Variants in FARS2 observed in about 807,000 individuals in gnomAD.
The protein encoded by FARS2 is phenylalanine--tRNA ligase, mitochondrial.
FARS2 carries 40 observed loss-of-function variants against 46.4 expected under a neutral mutation model. The observed-to-expected ratio is 0.86, with a 90% confidence interval of 0.67 to 1.12. The LOEUF is 1.12. Ranked by LOEUF, FARS2 falls within the 50% of genes most tolerant of loss-of-function variation. The pLI, the probability that FARS2 is intolerant of heterozygous loss-of-function variation, is 0.00. For missense variants in FARS2, 513 were observed against 567.9 expected (o/e 0.90, Z 0.98); for synonymous variants, 234 against 214.9 (o/e 1.09, Z -0.78).
chr6:5,538,597 GA>G (rs1414938789), intron 4 of FARS2, among the ~76,000 whole-genome samples: 1 of 152,068 alleles, frequency 6.6e-6, no homozygotes, highest in Non-Finnish European at 1.5e-5. Flanking sequence ...CCCAAGATCC[GA>G]AGTCATTTTC....
At chr6:5,326,084 C>T (rs1411053028) in intron 1 of FARS2, among the ~76,000 whole-genome samples, 2 of 152,200 alleles carry the variant, frequency 1.3e-5, no homozygotes, top group African/African-American at 4.8e-5. Flanking sequence ...AATATGCACA[C>T]TCAATTTCTG....
intron 1 of FARS2, among the ~76,000 whole-genome samples, chr6:5,316,688 C>CCGCCA (rs1266498557): frequency 6.6e-6 from 1 of 152,208 alleles, no homozygotes; most frequent in Non-Finnish European, 1.5e-5. Context: ...GGGCCCAGAG[C>CCGCCA]CGCCACACTT....
intron 6 of FARS2, among the ~76,000 whole-genome samples, chr6:5,683,098 G>A (rs1235361853): frequency 2.0e-5 from 3 of 152,218 alleles, no homozygotes; most frequent in Non-Finnish European, 4.4e-5. Context: ...AGGGTTTTAA[G>A]GGGTGGGACA....
At chr6:5,264,696 C>T (rs1438086429) in intron 1 of FARS2, among the ~76,000 whole-genome samples, 1 of 151,908 alleles carries the variant, frequency 6.6e-6, no homozygotes, top group Non-Finnish European at 1.5e-5. Context: ...CGTGAGCCAC[C>T]GCGCCCGGCC....
At chr6:5,731,563 A>G (rs1177898695) in intron 6 of FARS2, among the ~76,000 whole-genome samples, 5 of 152,170 alleles carry the variant, frequency 3.3e-5, no homozygotes, top group Non-Finnish European at 7.4e-5. Flanking sequence ...TTTAATGAAC[A>G]GTTTTATTCT....
chr6:5,314,348 G>A (rs1273127834), intron 1 of FARS2, among the ~76,000 whole-genome samples: 1 of 152,116 alleles, frequency 6.6e-6, no homozygotes, highest in African/African-American at 2.4e-5. Flanking sequence ...ACAGGTGTGT[G>A]GGGGTGGAGG....
chr6:5,672,261 G>C (rs867655268), intron 6 of FARS2, among the ~76,000 whole-genome samples: 7 of 152,126 alleles, frequency 4.6e-5, no homozygotes, highest in African/African-American at 1.7e-4. Flanking sequence ...TGCCTGTGGT[G>C]GCCCGCCCTA....
chr6:5,292,209 T>C (rs924780774), intron 1 of FARS2, among the ~76,000 whole-genome samples: 1 of 152,144 alleles, frequency 6.6e-6, no homozygotes, highest in African/African-American at 2.4e-5. Flanking sequence ...AGACATGAGA[T>C]TGGTCAGGTA....
In FARS2 at chr6:5,465,440, G is replaced by A. The variant is rs556201782; in HGVS notation, c.904+34268G>A. On this transcript the variant is annotated intron_variant, in intron 4 of 6. Transcript: ENST00000274680. ...CGGGCACTATACTAGTCTTACTTGC[G>A]TATTATAATTTACTTGCTATTTTGC... Among the ~76,000 whole-genome samples the A allele has an allele frequency of 4.6e-5, 7 of 152,314 alleles. No individual in the cohort carries two copies. The South Asian group carries it at 1.4e-3, about 32-fold the overall frequency.
chr6:5,763,015 C>A (rs1762564234), intron 6 of FARS2, among the ~76,000 whole-genome samples: 1 of 152,154 alleles, frequency 6.6e-6, no homozygotes, highest in African/African-American at 2.4e-5. Flanking sequence ...TGCGAAATAA[C>A]AAAGGGAATA....
intron 6 of FARS2, among the ~76,000 whole-genome samples, chr6:5,752,852 C>A (rs575860507): frequency 1.3e-4 from 20 of 152,176 alleles, no homozygotes; most frequent in Admixed American, 1.3e-4. Flanking sequence ...CCTCCTGACA[C>A]CCCACGCCTT....
intron 1 of FARS2, among the ~76,000 whole-genome samples, chr6:5,303,774 A>G (rs1768493436): frequency 6.6e-6 from 1 of 152,014 alleles, no homozygotes; most frequent in South Asian, 2.1e-4. Context: ...CCTCAAATAA[A>G]TTTTTTAAAT....
At chr6:5,579,437 C>A (rs1280281083) in intron 5 of FARS2, among the ~76,000 whole-genome samples, 2 of 152,042 alleles carry the variant, frequency 1.3e-5, no homozygotes, top group Non-Finnish European at 2.9e-5. Flanking sequence ...CCACACCCAG[C>A]TAATTTTTGT....
chr6:5,726,708 G>A (rs977471274), intron 6 of FARS2, among the ~76,000 whole-genome samples: 1 of 152,228 alleles, frequency 6.6e-6, no homozygotes, highest in African/African-American at 2.4e-5. Flanking sequence ...GAGGGCTCCA[G>A]AGGGTGGGGC....
chr6:5,415,174 T>G (rs1015765862), intron 3 of FARS2, among the ~76,000 whole-genome samples: 14 of 152,006 alleles, frequency 9.2e-5, no homozygotes, highest in Admixed American at 8.5e-4. Context: ...ATGTTACATT[T>G]CCACTAGCAG....
At chr6:5,260,884 A>G, upstream of FARS2, 1 of 1,411,312 alleles carries the variant, frequency 7.1e-7, no homozygotes, top group Non-Finnish European at 9.2e-7. Flanking sequence ...CTAAGCGGGC[A>G]GCCCTGCGGA....
chr6:5,484,678 T>C (rs1256375627), intron 4 of FARS2, among the ~76,000 whole-genome samples: 1 of 152,126 alleles, frequency 6.6e-6, no homozygotes, highest in East Asian at 1.9e-4. Flanking sequence ...AAGAAAAGGA[T>C]AGTTTGCTTT....
In FARS2 at chr6:5,608,464, TA is replaced by T. The variant is rs762363096; in HGVS notation, c.1066-4704del. Among the ~76,000 whole-genome samples, 36 of 152,308 alleles carry T rather than the reference TA, an allele frequency of 2.4e-4. No homozygotes were observed. The South Asian group carries it at 4.2e-3, about 18-fold the overall frequency. ...AGTTTCCAAGTTCATTCTTACTAAA[TA>T]GTTCAAAATATTCACCTATGACTTC... On this transcript the variant is annotated intron_variant, in intron 5 of 6. Transcript: ENST00000274680.
At chr6:5,717,300 G>T (rs1472254585) in intron 6 of FARS2, among the ~76,000 whole-genome samples, 1 of 152,014 alleles carries the variant, frequency 6.6e-6, no homozygotes, top group Non-Finnish European at 1.5e-5. Context: ...CTGTAACAAA[G>T]GTCGTGGGAG....
Sources: allele counts gnomAD v4.1 joint callset (sites outside exome capture counted in the v4.1 genomes callset), GRCh38; gene constraint gnomAD v4.1.1; transcripts MANE v1.5; gene names NCBI Gene and HGNC (gene_info 2026-07-23, HGNC 2026-07-21).